CHEK1: variants seen among roughly 807,000 people sequenced by gnomAD.
CHEK1 encodes serine/threonine-protein kinase Chk1.
CHEK1 carries 32 observed loss-of-function variants against 60.2 expected under a neutral mutation model. The ratio of observed to expected loss-of-function variants is 0.53; its 90% CI spans 0.40 to 0.71. The LOEUF (loss-of-function observed/expected upper bound fraction) is 0.71. Among genes scored for constraint, CHEK1 ranks in the 30% least tolerant of loss-of-function variants. The pLI, the probability that CHEK1 is intolerant of heterozygous loss-of-function variation, is 0.00. For missense variants in CHEK1, 399 were observed against 564.6 expected (o/e 0.71, Z 2.97); for synonymous variants, 179 against 187.2 (o/e 0.96, Z 0.36).
At chr11:125,663,724 C>T (rs980465117) in intron 13 of CHEK1, among the ~76,000 whole-genome samples, 5 of 152,076 alleles carry the variant, frequency 3.3e-5, no homozygotes, top group Non-Finnish European at 5.9e-5. Flanking sequence ...ATGTCTTCAT[C>T]ATAAAATCTT....
chr11:125,664,045 C>T (rs1942057902), intron 13 of CHEK1, among the ~76,000 whole-genome samples: 2 of 152,118 alleles, frequency 1.3e-5, no homozygotes, highest in South Asian at 2.1e-4. Flanking sequence ...TATTCTGTTC[C>T]ACAAGTCTAT....
At chr11:125,669,157 T>G (rs1334651600) in intron 13 of CHEK1, among the ~76,000 whole-genome samples, 1 of 152,212 alleles carries the variant, frequency 6.6e-6, no homozygotes, top group Non-Finnish European at 1.5e-5. Flanking sequence ...CATTTCTCCC[T>G]GTAGGTCAGG....
At chr11:125,675,301 T>C (rs898028278) in intron 13 of CHEK1, among the ~76,000 whole-genome samples, 4 of 152,246 alleles carry the variant, frequency 2.6e-5, no homozygotes, top group African/African-American at 9.6e-5. Flanking sequence ...TCTCTGCACT[T>C]TATATGTGCC....
chr11:125,636,533 C>T (rs1422317382), intron 7 of CHEK1, among the ~76,000 whole-genome samples: 5 of 151,908 alleles, frequency 3.3e-5, no homozygotes, highest in African/African-American at 9.7e-5. Flanking sequence ...AATTGCTTCC[C>T]GAAAGTTCGA....
downstream of CHEK1, chr11:125,678,042 T>A (rs1942610490): frequency 1.9e-6 from 3 of 1,614,072 alleles, no homozygotes; most frequent in Middle Eastern, 1.6e-4. Context: ...ACCTTCAGCA[T>A]GTTCAGTCGC....
At chr11:125,643,516 G>T in intron 8 of CHEK1, 1 of 240,734 alleles carries the variant, frequency 4.2e-6, no homozygotes, top group Non-Finnish European at 7.9e-6. Flanking sequence ...AAAAAAGATT[G>T]TGGTCTGAGC....
intron 11 of CHEK1, among the ~76,000 whole-genome samples, chr11:125,648,374 C>T (rs1157629224): frequency 4.0e-5 from 6 of 151,884 alleles, no homozygotes; most frequent in Admixed American, 3.3e-4. Flanking sequence ...TGAGGTCAAG[C>T]GTTTGAGACC....
At chr11:125,661,624 T>C (rs181734165), downstream of CHEK1, among the ~76,000 whole-genome samples, 9 of 152,280 alleles carry the variant, frequency 5.9e-5, no homozygotes, top group Admixed American at 5.9e-4. Flanking sequence ...GCTTAGTATT[T>C]TTTAAAAATC....
chr11:125,675,053 A>C (rs1282920885), intron 13 of CHEK1, among the ~76,000 whole-genome samples: 1 of 152,154 alleles, frequency 6.6e-6, no homozygotes, highest in African/African-American at 2.4e-5. Flanking sequence ...TGCACATCGG[A>C]ATTGTCTAGG....
chr11:125,678,348 T>C, downstream of CHEK1: 2 of 1,582,936 alleles, frequency 1.3e-6, no homozygotes, highest in Non-Finnish European at 1.7e-6. Context: ...CAGAATGGGA[T>C]AAAGACTATC....
At chr11:125,663,071 T>A (rs1305824320) in intron 13 of CHEK1, among the ~76,000 whole-genome samples, 1 of 152,166 alleles carries the variant, frequency 6.6e-6, no homozygotes, top group South Asian at 2.1e-4. Context: ...TTTGTTTACA[T>A]TGAGTTTTTA....
At position 125,653,658 on chromosome 11, in the gene CHEK1, G is replaced by A. The variant is rs1004583096; in HGVS notation, c.1234-88G>A. The A allele has an allele frequency of 4.3e-6, 3 of 692,904 alleles. No individual in the cohort carries two copies. The highest frequency in any genetic ancestry group is 7.5e-6 in the Non-Finnish European group (3 of 401,772). 42.9% of individuals were successfully genotyped at this position (692,904 alleles called of 1,614,324 possible). On this transcript the variant is annotated intron_variant, in intron 11 of 12. Transcript: ENST00000438015. This position sits in a 1 kb window ranked among gnomAD's most constrained non-coding sequence, Gnocchi z 4.3. ...TAGGTAGTTTTATTTGTAGTTTTTT[G>A]AGAAACTTCTATTCTGTTCTTCATA... is the stretch of plus-strand genomic sequence containing the variant.
At chr11:125,662,530 C>T (rs978627150) in intron 13 of CHEK1, among the ~76,000 whole-genome samples, 3 of 152,212 alleles carry the variant, frequency 2.0e-5, no homozygotes, top group African/African-American at 2.4e-5. Flanking sequence ...TTTTTTCACT[C>T]AACATAATTC....
intron 13 of CHEK1, among the ~76,000 whole-genome samples, chr11:125,674,525 A>G (rs532893334): frequency 6.6e-6 from 1 of 152,348 alleles, no homozygotes; most frequent in African/African-American, 2.4e-5. Flanking sequence ...GGGATGCAGA[A>G]TGAGTGAAAA....
At chr11:125,660,797 C>T (rs1053804821), downstream of CHEK1, among the ~76,000 whole-genome samples, 2 of 150,714 alleles carry the variant, frequency 1.3e-5, no homozygotes, top group Non-Finnish European at 3.0e-5. Context: ...TTTTTTGAGA[C>T]GGAGTTTCAC....
intron 11 of CHEK1, among the ~76,000 whole-genome samples, chr11:125,648,681 A>T (rs552456430): frequency 3.4e-4 from 46 of 134,510 alleles, no homozygotes; most frequent in African/African-American, 1.2e-3. Context: ...CTTTTTGTTT[A>T]GTTGTCCTGG....
At chr11:125,677,577 T>C (rs1942571776), downstream of CHEK1, among the ~76,000 whole-genome samples, 1 of 152,182 alleles carries the variant, frequency 6.6e-6, no homozygotes, top group East Asian at 1.9e-4. Flanking sequence ...TGTATTTGTT[T>C]TATTTTTCTT....
intron 11 of CHEK1, among the ~76,000 whole-genome samples, chr11:125,648,271 G>A: frequency 6.6e-6 from 1 of 151,756 alleles, no homozygotes; most frequent in East Asian, 1.9e-4. Flanking sequence ...AATTCTTTAG[G>A]TTTTTTAATA....
At chr11:125,626,154 C>T in intron 1 of CHEK1, 142 bp downstream of exon 1, 2 of 610,396 alleles carry the variant, frequency 3.3e-6, no homozygotes, top group Non-Finnish European at 5.9e-6. Context: ...GGGGCGGTTT[C>T]GGAGGGTGGA....
Sources: gnomAD v4.1 joint callset for allele counts (sites outside exome capture counted in the v4.1 genomes callset) on GRCh38, gnomAD v4.1.1 for gene constraint, Gnocchi (gnomAD v3.1) non-coding constraint, MANE v1.5 for transcripts, NCBI Gene and HGNC (gene_info 2026-07-23, HGNC 2026-07-21) for gene names.